PDK1: variants seen among roughly 807,000 people sequenced by gnomAD.
PDK1 encodes the protein pyruvate dehydrogenase kinase 1, also known as [Pyruvate dehydrogenase (acetyl-transferring)] kinase isozyme 1, mitochondrial.
Under a neutral mutation model 54.2 loss-of-function variants are expected in PDK1, and 39 were observed. That is an observed-to-expected ratio of 0.72 (90% CI 0.56 to 0.94). PDK1 has a LOEUF of 0.94. PDK1 is among the 40% of genes least tolerant of loss of function. PDK1 has a pLI of 0.00. For missense variants in PDK1, 552 were observed against 566.0 expected (o/e 0.98, Z 0.25); for synonymous variants, 221 against 207.1 (o/e 1.07, Z -0.58).
At chr2:172,653,654 C>T in the PDK1 span, among the ~76,000 whole-genome samples, 1 of 151,782 alleles carries the variant, frequency 6.6e-6, no homozygotes, top group Non-Finnish European at 1.5e-5. Flanking sequence ...AATGTTAGAC[C>T]TAAAACCATA....
the PDK1 span, among the ~76,000 whole-genome samples, chr2:172,714,595 A>C: frequency 6.8e-6 from 1 of 147,366 alleles, no homozygotes; most frequent in Non-Finnish European, 1.5e-5. Flanking sequence ...AAATATAACA[A>C]ATAAATGTAT....
At position 172,596,405 on chromosome 2, in the gene PDK1, C is replaced by T. The variant is rs1690896847; in HGVS notation, c.*436C>T. On this transcript the variant is annotated 3_prime_UTR_variant, in exon 11 of 11. Coordinates refer to ENST00000282077, the MANE Select transcript of PDK1 (RefSeq NM_002610.5). ...GCCATCTTTTATTCGGTAGTGACAGCTGTAATATGGTCTTCATGTTTATCA... is the reference window on the plus strand; with the variant it reads ...GCCATCTTTTATTCGGTAGTGACAGTTGTAATATGGTCTTCATGTTTATCA... 1 of 156,420 alleles carries T rather than the reference C, an allele frequency of 6.4e-6. No homozygotes were observed. Among genetic ancestry groups the T allele is most frequent in the Non-Finnish European group, 1.4e-5 (1 of 70,498 alleles). The allele number at this position is 156,420 out of a possible 1,614,324, so 9.7% of individuals were successfully genotyped here.
intron 3 of PDK1, 78 bp from the exon 4 acceptor site, chr2:172,564,425 T>C: frequency 8.7e-7 from 1 of 1,143,566 alleles, no homozygotes; most frequent in Non-Finnish European, 1.3e-6. Flanking sequence ...TTGTCTAGCA[T>C]AGTTGGTTAA....
At chr2:172,708,555 A>C in the PDK1 span, among the ~76,000 whole-genome samples, 1 of 152,220 alleles carries the variant, frequency 6.6e-6, no homozygotes, top group Non-Finnish European at 1.5e-5. Flanking sequence ...CAGTATACAT[A>C]TATCATTGGG....
At position 172,571,823 on chromosome 2, in the gene PDK1, C is replaced by CGTTTTTTTTTTTTTTT. The variant is rs765005051; in HGVS notation, c.945+999_945+1000insGTTTTTTTTTTTTTTT. The stretch of plus-strand genomic sequence containing the variant: ...CTCAGAGATTCTTAGTCTTTCTTTA[C>CGTTTTTTTTTTTTTTT]TTTTTTTTTTTTTTTTTTTTTTTTT... On this transcript the variant is annotated intron_variant, in intron 8 of 10. Coordinates refer to ENST00000282077, the MANE Select transcript of PDK1 (RefSeq NM_002610.5). 1.4e-4 allele frequency among the ~76,000 whole-genome samples: 14 copies of CGTTTTTTTTTTTTTTT among 99,784 alleles called. 2 individuals carry two copies. Among genetic ancestry groups the CGTTTTTTTTTTTTTTT allele is most frequent in the African/African-American group, 2.3e-4 (6 of 25,584 alleles). The allele number at this position is 99,784 out of a possible 152,430, so 65.5% of individuals were successfully genotyped here.
chr2:172,568,837 A>G lies in PDK1; in HGVS notation c.846+20A>G, dbSNP rs769641879. The stretch of plus-strand genomic sequence containing the variant: ...TTCAAGGTTTGTAAAATAGTATTAC[A>G]TAACCTTTACCAGTACTTTTCTGAG... On this transcript the variant is annotated intron_variant, in intron 7 of 10. Transcript: ENST00000282077. The G allele has an allele frequency of 2.6e-5, 36 of 1,394,808 alleles. No homozygotes were observed. Among genetic ancestry groups the G allele is most frequent in the Non-Finnish European group, 3.4e-5 (33 of 979,948 alleles). 86.4% of individuals were successfully genotyped at this position (1,394,808 alleles called of 1,614,324 possible). A position where few individuals can be genotyped will look rare whatever the true frequency, so the allele number is the denominator to read the frequency against.
rs755262899 is a variant in PDK1, at chr2:172,586,337, G to A, written c.1005G>A (p.Met335Ile). 6 of 1,613,134 alleles carry A rather than the reference G, an allele frequency of 3.7e-6. No individual in the cohort carries two copies. In the Admixed American group the frequency reaches 1.0e-4, roughly 27 times the overall value. The change falls in exon 9 of 11, where the codon ATG becomes ATA. Residue 335 changes from methionine (M) to isoleucine (I), a missense_variant. Met to Ile is a conservative substitution (Grantham distance 10). Coordinates refer to ENST00000282077, the MANE Select transcript of PDK1 (RefSeq NM_002610.5). Reference sequence around the variant, plus strand: ...AAATTGACAGACTTTTCAACTACATGTATTCAACTGCACCAAGACCTCGTG... The same window carrying A: ...AAATTGACAGACTTTTCAACTACATATATTCAACTGCACCAAGACCTCGTG... ...LRKIDRLFNY[M>I]YSTAPRPRVE...
chr2:172,699,010 A>G, the PDK1 span, among the ~76,000 whole-genome samples: 8 of 152,200 alleles, frequency 5.3e-5, no homozygotes, highest in East Asian at 1.2e-3. Flanking sequence ...TACGTTTGGT[A>G]TTTTATGTGA....
Position 172,593,050 on chromosome 2 carries a change from T to TA in PDK1, c.1170+4dup. The stretch of plus-strand genomic sequence containing the variant: ...ACAGATGCAGTTATCTACATTAAGG[T>TA]AATAGCTGTAGTCTTCTTGATTTAA... On this transcript the variant is annotated splice_region_variant and intron_variant, in intron 10 of 10. Transcript: ENST00000282077. 1 of 1,350,772 alleles carries TA rather than the reference T, an allele frequency of 7.4e-7. No individual in the cohort carries two copies. Among genetic ancestry groups the TA allele is most frequent in the Admixed American group, 1.7e-5 (1 of 59,152 alleles). 83.7% of individuals were successfully genotyped at this position (1,350,772 alleles called of 1,614,324 possible).
intron 3 of PDK1, 46 bp from the exon 4 acceptor site, chr2:172,564,457 T>G: frequency 6.7e-7 from 1 of 1,492,360 alleles, no homozygotes; most frequent in Non-Finnish European, 9.3e-7. Context: ...TGTATTAAGT[T>G]TACTTGTCAA....
At chr2:172,680,141 T>C in the PDK1 span, among the ~76,000 whole-genome samples, 1 of 152,204 alleles carries the variant, frequency 6.6e-6, no homozygotes, top group Non-Finnish European at 1.5e-5. Context: ...AGCCAGGTGC[T>C]TCTTCCTTGC....
chr2:172,581,202 C>T (rs1264931904), intron 8 of PDK1, among the ~76,000 whole-genome samples: 1 of 152,146 alleles, frequency 6.6e-6, no homozygotes, highest in Non-Finnish European at 1.5e-5. Flanking sequence ...AAGCGATTCT[C>T]CTGCCTCAGT....
the PDK1 span, among the ~76,000 whole-genome samples, chr2:172,695,823 G>C: frequency 7.2e-5 from 11 of 152,224 alleles, no homozygotes; most frequent in African/African-American, 2.4e-4. Context: ...GCAGCAAAAA[G>C]CTAGGGCCCT....
chr2:172,555,995 G>A (rs555672237), upstream of PDK1: 220 of 473,040 alleles, frequency 4.7e-4, 2 homozygotes, highest in South Asian at 9.6e-3. Flanking sequence ...GTCCCGCCCA[G>A]CGGCGCAGGG....
At chr2:172,654,770 A>AT in the PDK1 span, among the ~76,000 whole-genome samples, 1 of 151,998 alleles carries the variant, frequency 6.6e-6, no homozygotes, top group Non-Finnish European at 1.5e-5. Flanking sequence ...AATAAAAAAA[A>AT]TTTTTTTTAA....
the PDK1 span, among the ~76,000 whole-genome samples, chr2:172,647,632 A>G: frequency 6.6e-6 from 1 of 152,250 alleles, no homozygotes; most frequent in South Asian, 2.1e-4. Flanking sequence ...GAGACAATTC[A>G]TCCTTAAGGA....
the PDK1 span, among the ~76,000 whole-genome samples, chr2:172,706,762 T>G: frequency 6.6e-6 from 1 of 152,224 alleles, no homozygotes; most frequent in Non-Finnish European, 1.5e-5. Flanking sequence ...TGGGGTATTC[T>G]GTTTGTGCCT....
intron 5 of PDK1, among the ~76,000 whole-genome samples, chr2:172,566,558 A>G (rs74725860): frequency 0.016 from 2,366 of 144,574 alleles, 25 homozygotes; most frequent in South Asian, 0.05. Flanking sequence ...GTCTCAAAGG[A>G]AAAAAAAAAA....
At chr2:172,716,922 C>A in the PDK1 span, among the ~76,000 whole-genome samples, 5 of 152,178 alleles carry the variant, frequency 3.3e-5, no homozygotes. Flanking sequence ...TCTCTCAGTT[C>A]TGTGAAGTAA....
Sources: allele counts gnomAD v4.1 joint callset (sites outside exome capture counted in the v4.1 genomes callset), GRCh38; gene constraint gnomAD v4.1.1; transcripts MANE v1.5; gene names NCBI Gene and HGNC (gene_info 2026-07-23, HGNC 2026-07-21).